The following DOCK9 variants were observed in gnomAD, a reference collection of about 807,000 sequenced individuals.
The protein encoded by DOCK9 is dedicator of cytokinesis protein 9.
In DOCK9, 89 loss-of-function variants were observed where a neutral mutation model predicts 263.3. The observed-to-expected ratio is 0.34, with a 90% CI of 0.28 to 0.40. The LOEUF is 0.40. Ranked by LOEUF, DOCK9 falls within the 10% of genes least tolerant of loss-of-function variation. The pLI, the probability that DOCK9 is intolerant of heterozygous loss-of-function variation, is 1.00. For synonymous variants in DOCK9, 976 were observed against 973.1 expected, an observed-to-expected ratio of 1.00 and a Z score of -0.06; for missense variants, 2,140 against 2,603.4, an observed-to-expected ratio of 0.82 and a Z score of 3.87.
At chr13:98,950,503 G>A in intron 2 of DOCK9, 1 of 451,554 alleles carries the variant, frequency 2.2e-6, no homozygotes, top group Non-Finnish European at 3.9e-6. Flanking sequence ...AGGTCTTGCT[G>A]TGCTGTCCAG....
intron 8 of DOCK9, 29 bp downstream of exon 8, chr13:98,915,300 T>G (rs551285689): frequency 1.2e-6 from 2 of 1,606,262 alleles, no homozygotes; most frequent in South Asian, 1.1e-5. Context: ...AGAGTGTGTA[T>G]GTGCCTGGGG....
chr13:98,949,609 G>T, intron 2 of DOCK9: 1 of 166,306 alleles, frequency 6.0e-6, no homozygotes, highest in Non-Finnish European at 1.3e-5. Flanking sequence ...TTCCTTTCCA[G>T]TTTTTGAAGA....
chr13:98,907,818 G>A (rs1178244225), intron 9 of DOCK9, among the ~76,000 whole-genome samples: 2 of 152,116 alleles, frequency 1.3e-5, no homozygotes, highest in African/African-American at 4.8e-5. Flanking sequence ...GTGGTTCAGG[G>A]GTAGCAGGAC....
At chr13:98,970,836 G>A (rs2059663402) in intron 1 of DOCK9, among the ~76,000 whole-genome samples, 1 of 151,888 alleles carries the variant, frequency 6.6e-6, no homozygotes, top group Non-Finnish European at 1.5e-5. Context: ...CTGGAGCTAG[G>A]CTGTCTTGTT....
intron 31 of DOCK9, 113 bp downstream of exon 31, chr13:98,863,257 T>C: frequency 1.3e-6 from 2 of 1,515,024 alleles, no homozygotes; most frequent in South Asian, 1.2e-5. Flanking sequence ...AGTCCCAAAA[T>C]AGAGCAAAAT....
intron 1 of DOCK9, among the ~76,000 whole-genome samples, chr13:99,019,070 C>T (rs1236943995): frequency 1.3e-5 from 2 of 152,094 alleles, no homozygotes; most frequent in Non-Finnish European, 2.9e-5. Context: ...GAACAAAGTA[C>T]TGATGCATGC....
rs1423354612 is a variant in DOCK9 at position 98,977,794 on chromosome 13, C to T, written c.116G>A (p.Gly39Asp). ...AQGEVEAESP[G>D]PVPAKPKLIE... ...ACGAGACCCTCTTACCGGCACAGGGCCCGGGCTCTCTGCTTCCACTTCGCC... is the reference window on the plus strand; with the variant it reads ...ACGAGACCCTCTTACCGGCACAGGGTCCGGGCTCTCTGCTTCCACTTCGCC... Residue 39 changes from glycine to aspartate, a missense_variant, in exon 1 of 53, where the codon GGC becomes GAC. Physicochemically the swap from Gly to Asp is moderately conservative, Grantham distance 94 (BLOSUM62 -1). Around this residue, in one of 2 missense-constraint regions of DOCK9, gnomAD observed 1,521 missense variants for 1,741.7 expected, o/e 0.87. Coordinates refer to ENST00000682017, the MANE Select transcript of DOCK9 (RefSeq NM_001366683.2). 6.2e-7 allele frequency: 1 copy of T among 1,611,826 alleles called. No individual in the cohort carries two copies. Among genetic ancestry groups the T allele is most frequent in the East Asian group, 2.2e-5 (1 of 44,814 alleles).
chr13:98,879,542 T>C (rs2044411019), intron 27 of DOCK9, among the ~76,000 whole-genome samples: 1 of 152,186 alleles, frequency 6.6e-6, no homozygotes, highest in African/African-American at 2.4e-5. Context: ...AACGTGAAGA[T>C]TTCTAAGCTA....
At chr13:98,831,087 T>G (rs1254319099) in intron 41 of DOCK9, among the ~76,000 whole-genome samples, 4 of 152,238 alleles carry the variant, frequency 2.6e-5, no homozygotes, top group African/African-American at 9.6e-5. Context: ...TTCTAACACT[T>G]CTTGATTCAA....
At chr13:98,973,522 T>C (rs1182311392) in intron 1 of DOCK9, among the ~76,000 whole-genome samples, 1 of 152,192 alleles carries the variant, frequency 6.6e-6, no homozygotes, top group Non-Finnish European at 1.5e-5. Flanking sequence ...AACATTAAAA[T>C]AAGAACTAAA....
At chr13:98,987,863 T>C (rs540540631) in intron 1 of DOCK9, among the ~76,000 whole-genome samples, 2 of 151,280 alleles carry the variant, frequency 1.3e-5, no homozygotes, top group South Asian at 2.1e-4. Context: ...TTTTTGAGCA[T>C]ATATCTCCTT....
chr13:98,977,629 G>A (rs1041397793), intron 1 of DOCK9, among the ~76,000 whole-genome samples, 155 bp downstream of exon 1: 5 of 152,112 alleles, frequency 3.3e-5, no homozygotes, highest in African/African-American at 9.7e-5. Flanking sequence ...AAGGGGAATC[G>A]AAGTCATATT....
intron 39 of DOCK9, chr13:98,834,522 G>A (rs752842711): frequency 1.3e-5 from 2 of 152,136 alleles, no homozygotes; most frequent in Non-Finnish European, 2.9e-5. Context: ...CTGATTATGT[G>A]TTAGTCCTCA....
chr13:98,890,271 G>C (rs747729159), intron 15 of DOCK9, among the ~76,000 whole-genome samples: 1 of 152,124 alleles, frequency 6.6e-6, no homozygotes, highest in Non-Finnish European at 1.5e-5. Flanking sequence ...CAAGTCTCTG[G>C]AGGCCCATTT....
At chr13:98,819,364 T>C (rs1232713450) in intron 45 of DOCK9, among the ~76,000 whole-genome samples, 1 of 152,148 alleles carries the variant, frequency 6.6e-6, no homozygotes, top group Non-Finnish European at 1.5e-5. Flanking sequence ...CATATGTCAA[T>C]CTAGAAATTT....
At chr13:98,795,888 A>G (rs896414434) in intron 52 of DOCK9, among the ~76,000 whole-genome samples, 2 of 151,784 alleles carry the variant, frequency 1.3e-5, no homozygotes, top group African/African-American at 4.8e-5. Flanking sequence ...CCTCCCGAGT[A>G]GCTGAGACTA....
At chr13:98,880,323 A>G (rs1790423206) in intron 26 of DOCK9, among the ~76,000 whole-genome samples, 1 of 152,042 alleles carries the variant, frequency 6.6e-6, no homozygotes, top group Non-Finnish European at 1.5e-5. Context: ...CACTGATTTG[A>G]ACATAATGAC....
chr13:98,827,764 A>G lies in DOCK9; in HGVS notation c.4966-877T>C, dbSNP rs530112917. On this transcript the variant is annotated intron_variant, in intron 43 of 52. Transcript: ENST00000682017. Reference sequence around the variant, plus strand: ...CTCTTGCAGTACAAAGCAGGGTCACATGCACTGAACAGGCAGGAAAGTACA... The same window carrying G: ...CTCTTGCAGTACAAAGCAGGGTCACGTGCACTGAACAGGCAGGAAAGTACA... Among the ~76,000 whole-genome samples, 59 of 152,352 alleles carry G rather than the reference A, an allele frequency of 3.9e-4. 1 individual carries two copies. Among genetic ancestry groups the G allele is most frequent in the Admixed American group, 4.6e-4 (7 of 15,304 alleles).
rs1176480719 is a variant in DOCK9 at position 99,051,013 on chromosome 13, C to T, written c.129+35210G>A. 2.0e-5 allele frequency among the ~76,000 whole-genome samples: 3 copies of T among 152,326 alleles called. No individual in the cohort carries two copies. The East Asian group carries it at 5.8e-4, about 29-fold the overall frequency. On this transcript the variant is annotated intron_variant, in intron 1 of 32. Coordinates refer to the DOCK9 transcript ENST00000427887. ...GATGAAGAACTCAGTGGGAGACTTC[C>T]TCTCCATCACCTGCCCACCCAGCTT...
Sources: gnomAD v4.1 joint callset for allele counts (sites outside exome capture counted in the v4.1 genomes callset) on GRCh38, gnomAD v4.1.1 for gene constraint, gnomAD v4.1.1 regional missense constraint, MANE v1.5 for transcripts, NCBI Gene and HGNC (gene_info 2026-07-23, HGNC 2026-07-21) for gene names.